RAD51D: variants seen among roughly 807,000 people sequenced by gnomAD.
RAD51D encodes the protein RAD51 paralog D.
Under a neutral mutation model 44.1 loss-of-function variants are expected in RAD51D, and 38 were observed. The observed-to-expected ratio is 0.86, with a 90% CI of 0.67 to 1.13. The LOEUF is 1.13. Among genes scored for constraint, RAD51D ranks in the 50% most tolerant of loss-of-function variants. The pLI is 0.00. For missense variants in RAD51D, 390 were observed against 414.0 expected, an observed-to-expected ratio of 0.94 and a Z score of 0.50; for synonymous variants, 141 against 166.6, an observed-to-expected ratio of 0.85 and a Z score of 1.18.
chr17:35,110,826 G>C (rs193037547), intron 3 of RAD51D, among the ~76,000 whole-genome samples: 4 of 152,274 alleles, frequency 2.6e-5, no homozygotes, highest in African/African-American at 9.6e-5. Flanking sequence ...ATACAAACAG[G>C]CTGGGCGCGG....
chr17:35,119,155 C>A lies in RAD51D; in HGVS notation c.100G>T (p.Ala34Ser). 2 of 1,613,962 alleles carry A rather than the reference C, an allele frequency of 1.2e-6. No homozygotes were observed. The highest frequency in any genetic ancestry group is 1.7e-6 in the Non-Finnish European group (2 of 1,179,806). The change falls in exon 2 of 10, where the codon GCA (alanine) becomes TCA (serine). Residue 34 changes from alanine (A) to serine (S), a missense_variant. By Grantham distance (99) the Ala-to-Ser change is moderately conservative. Coordinates refer to ENST00000345365, the MANE Select transcript of RAD51D (RefSeq NM_002878.4). ...TTCTGAGCTACCTCTTCCAGGTCTG[C>A]AGAAACCAGGTCCACCACTGAAAAC... ...RIKTVVDLVS[A>S]DLEEVAQKCG...
In RAD51D at chr17:35,092,363, G is replaced by T. The variant is rs2142397065; in HGVS notation, c.*8590C>A. ...TTATTAGTAGCAGCACGGCTTGGAA[G>T]TCCTAGTGCCCTGATTTTAGTTATT... On this transcript the variant is annotated 3_prime_UTR_variant, in exon 10 of 10. Transcript: ENST00000345365. 1 of 152,326 alleles carries T rather than the reference G, an allele frequency of 6.6e-6. No homozygotes were observed. The highest frequency in any genetic ancestry group is 6.5e-5 in the Admixed American group (1 of 15,296). 9.4% of individuals were successfully genotyped at this position (152,326 alleles called of 1,614,324 possible).
chr17:35,111,825 T>C (rs2091680469), intron 3 of RAD51D, among the ~76,000 whole-genome samples: 1 of 152,162 alleles, frequency 6.6e-6, no homozygotes, highest in Admixed American at 6.5e-5. Context: ...AAAAAAAACT[T>C]GCTGGGATTT....
chr17:35,104,585 G>A (rs560311559), intron 6 of RAD51D, among the ~76,000 whole-genome samples: 7 of 152,110 alleles, frequency 4.6e-5, no homozygotes, highest in African/African-American at 9.7e-5. Context: ...GGGTTTTACC[G>A]TGTTGGCCAG....
In RAD51D at chr17:35,101,053, G is replaced by A. The variant is rs181816960; in HGVS notation, c.904-17C>T. On this transcript the variant is annotated splice_polypyrimidine_tract_variant and intron_variant, in intron 9 of 9. Coordinates refer to ENST00000345365, the MANE Select transcript of RAD51D (RefSeq NM_002878.4). ...ACCTGTTGGCTGGAAGAAGAAGTAA[G>A]GAGTCAGTGGAGTTAAGCAACCCAA... 2 of 1,609,222 alleles carry A rather than the reference G, an allele frequency of 1.2e-6. No individual in the cohort carries two copies. The highest frequency in any genetic ancestry group is 2.2e-5 in the East Asian group (1 of 44,870).
intron 6 of RAD51D, among the ~76,000 whole-genome samples, chr17:35,104,487 T>A (rs1270945824): frequency 6.6e-6 from 1 of 152,250 alleles, no homozygotes. Context: ...ACGATTCTCA[T>A]GCCTCAGCTT....
intron 3 of RAD51D, among the ~76,000 whole-genome samples, chr17:35,116,080 A>T (rs528392937): frequency 6.8e-6 from 1 of 146,922 alleles, no homozygotes; most frequent in East Asian, 2.0e-4. Flanking sequence ...AAAAAAAAAA[A>T]GAAAGAAAGA....
In RAD51D at chr17:35,100,645, C is replaced by T. The variant is rs2091523339; in HGVS notation, c.*308G>A. 1 of 567,162 alleles carries T rather than the reference C, an allele frequency of 1.8e-6. No individual in the cohort carries two copies. 35.1% of individuals were successfully genotyped at this position (567,162 alleles called of 1,614,324 possible). A position where few individuals can be genotyped will look rare whatever the true frequency, so the allele number is the denominator to read the frequency against. ...ACAGGATTATCCATCCAGTCGCCAG[C>T]ATGCCTCATCAGAGATGCTCCCAGC... On this transcript the variant is annotated 3_prime_UTR_variant, in exon 10 of 10. Transcript: ENST00000345365.
intron 1 of RAD51D, 111 bp downstream of exon 1, chr17:35,119,421 G>T: frequency 7.8e-7 from 1 of 1,284,352 alleles, no homozygotes; most frequent in Non-Finnish European, 1.1e-6. Flanking sequence ...GGCCCTCTAG[G>T]AATGGAGGGG....
At position 35,100,872 on chromosome 17, in the gene RAD51D, G is replaced by T; in HGVS notation, c.*81C>A. 1 of 1,149,516 alleles carries T rather than the reference G, an allele frequency of 8.7e-7. No individual in the cohort carries two copies. The highest frequency in any genetic ancestry group is 1.3e-6 in the Non-Finnish European group (1 of 758,688). 71.2% of individuals were successfully genotyped at this position (1,149,516 alleles called of 1,614,324 possible). On this transcript the variant is annotated 3_prime_UTR_variant, in exon 10 of 10. Transcript: ENST00000345365. The stretch of plus-strand genomic sequence containing the variant: ...CGTCTGTAGTCACCAGTGCCAGGTG[G>T]CAGTAAACAGCAGGCGTTACTGGGA...
At position 35,100,145 on chromosome 17, in the gene RAD51D, G is replaced by A. The variant is rs1426740648; in HGVS notation, c.*808C>T. 1.9e-6 allele frequency: 1 copy of A among 533,020 alleles called. No homozygotes were observed. Among genetic ancestry groups the A allele is most frequent in the Admixed American group, 2.2e-5 (1 of 45,006 alleles). The allele number at this position is 533,020 out of a possible 1,614,324, so 33.0% of individuals were successfully genotyped here. On this transcript the variant is annotated 3_prime_UTR_variant, in exon 10 of 10. Coordinates refer to ENST00000345365, the MANE Select transcript of RAD51D (RefSeq NM_002878.4). ...GCTGTACTGTGGAGGGGCCCCACAGGGCACCATGCATATTAAATGAGTGGC... is the reference window on the plus strand; with the variant it reads ...GCTGTACTGTGGAGGGGCCCCACAGAGCACCATGCATATTAAATGAGTGGC...
chr17:35,103,229 T>C lies in RAD51D; in HGVS notation c.738+25A>G, dbSNP rs2142417760. The C allele has an allele frequency of 6.3e-7, 1 of 1,593,840 alleles. No homozygotes were observed. Among genetic ancestry groups the C allele is most frequent in the East Asian group, 2.3e-5 (1 of 44,412 alleles). Reference sequence around the variant, plus strand: ...AGCTCGCAATAACTAGAAATCAAGTTCATTGGCCAAGCCTGCTTCCTCACC... The same window carrying C: ...AGCTCGCAATAACTAGAAATCAAGTCCATTGGCCAAGCCTGCTTCCTCACC... On this transcript the variant is annotated intron_variant, in intron 8 of 9. Coordinates refer to ENST00000345365, the MANE Select transcript of RAD51D (RefSeq NM_002878.4). This position sits in a 1 kb window ranked among gnomAD's most constrained non-coding sequence, Gnocchi z 4.1.
At position 35,097,544 on chromosome 17, in the gene RAD51D, T is replaced by C. The variant is rs973873317; in HGVS notation, c.*3409A>G. On this transcript the variant is annotated 3_prime_UTR_variant, in exon 10 of 10. Coordinates refer to ENST00000345365, the MANE Select transcript of RAD51D (RefSeq NM_002878.4). ...ATATATATATATATATGTATATGTA[T>C]ATGTATATTTTTTTCCTAAGAACTA... 6.6e-6 allele frequency: 1 copy of C among 151,502 alleles called. No individual in the cohort carries two copies. Among genetic ancestry groups the C allele is most frequent in the African/African-American group, 2.4e-5 (1 of 41,266 alleles). 9.4% of individuals were successfully genotyped at this position (151,502 alleles called of 1,614,324 possible). A position where few individuals can be genotyped will look rare whatever the true frequency, so the allele number is the denominator to read the frequency against.
chr17:35,119,291 C>T, intron 1 of RAD51D, 119 bp from the exon 2 acceptor site: 1 of 1,033,774 alleles, frequency 9.7e-7, no homozygotes. Flanking sequence ...TCTCAGGAGG[C>T]CAGTGTGAAA....
intron 3 of RAD51D, 38 bp from the exon 4 acceptor site, chr17:35,107,485 AG>A (rs377572503): frequency 1.4e-6 from 2 of 1,466,748 alleles, no homozygotes; most frequent in African/African-American, 1.4e-5. Flanking sequence ...ACAAGAGGTT[AG>A]GAGGAAGACA....
chr17:35,104,047 C>T (rs962679342), intron 6 of RAD51D, among the ~76,000 whole-genome samples: 2 of 152,140 alleles, frequency 1.3e-5, no homozygotes, highest in African/African-American at 4.8e-5. Flanking sequence ...CGCTGCATTC[C>T]AGCCTGGGCG....
At chr17:35,109,259 G>A (rs1380293874) in intron 3 of RAD51D, among the ~76,000 whole-genome samples, 1 of 152,200 alleles carries the variant, frequency 6.6e-6, no homozygotes, top group Non-Finnish European at 1.5e-5. Flanking sequence ...CTGCTAAAAA[G>A]TATTCCATGG....
rs55665937 is a variant in RAD51D, at chr17:35,119,267, C to T, written c.83-95G>A. The T allele has an allele frequency of 1.7e-4, 203 of 1,224,394 alleles. 2 individuals are homozygous for T. The East Asian group carries it at 4.7e-3, about 28-fold the overall frequency. The allele number at this position is 1,224,394 out of a possible 1,614,324, so 75.8% of individuals were successfully genotyped here. A position where few individuals can be genotyped will look rare whatever the true frequency, so the allele number is the denominator to read the frequency against. On this transcript the variant is annotated intron_variant, in intron 1 of 9. Transcript: ENST00000345365. ...CTGTCAAATGGGGTGTCAATTCTAC[C>T]CCCCGGCAGGCCGTCTCAGGAGGCC...
At chr17:35,109,649 C>G (rs895772055) in intron 3 of RAD51D, among the ~76,000 whole-genome samples, 1 of 151,774 alleles carries the variant, frequency 6.6e-6, no homozygotes, top group Non-Finnish European at 1.5e-5. Flanking sequence ...TTTGCATTTC[C>G]CTAATAGTTA....
Sources: allele counts gnomAD v4.1 joint callset (sites outside exome capture counted in the v4.1 genomes callset), GRCh38; gene constraint gnomAD v4.1.1; non-coding constraint Gnocchi (gnomAD v3.1); transcripts MANE v1.5; gene names NCBI Gene and HGNC (gene_info 2026-07-23, HGNC 2026-07-21).